The following CCDC136 variants were observed in gnomAD, a reference collection of about 807,000 sequenced individuals.
CCDC136 encodes the protein coiled-coil domain containing 136.
Under a neutral mutation model 141.2 loss-of-function variants are expected in CCDC136, and 100 were observed. That is an observed-to-expected ratio of 0.71 (90% CI 0.60 to 0.84). The LOEUF is 0.84. CCDC136 is among the 40% of genes least tolerant of loss of function. CCDC136 has a pLI of 0.00. For synonymous variants in CCDC136, 474 were observed against 531.9 expected, an observed-to-expected ratio of 0.89 and a Z score of 1.50; for missense variants, 1,206 against 1,379.4, an observed-to-expected ratio of 0.87 and a Z score of 1.99.
chr7:128,808,636 C>G, intron 10 of CCDC136: 2 of 985,392 alleles, frequency 2.0e-6, no homozygotes, highest in South Asian at 9.4e-5. Flanking sequence ...GTTCCTGTCC[C>G]TGGGGAAAGG....
rs1562924213 is a variant in CCDC136 at position 128,809,480 on chromosome 7, T to C, written c.1636T>C (p.Leu546=). The C allele has an allele frequency of 1.6e-6, 2 of 1,243,542 alleles. No individual in the cohort carries two copies. The highest frequency in any genetic ancestry group is 1.6e-5 in the African/African-American group (1 of 61,738). 77.0% of individuals were successfully genotyped at this position (1,243,542 alleles called of 1,614,324 possible). A position where few individuals can be genotyped will look rare whatever the true frequency, so the allele number is the denominator to read the frequency against. The change falls in exon 11 of 18, where the codon TTG becomes CTG. Residue 546 remains leucine (L), a synonymous_variant. Coordinates refer to ENST00000297788, the MANE Select transcript of CCDC136 (RefSeq NM_022742.5). Reference sequence around the variant, plus strand: ...CACACTGCTGTCCAGACTGACAGAATTGCAGGAAAAGTACAAGGCCAGCCA... The same window carrying C: ...CACACTGCTGTCCAGACTGACAGAACTGCAGGAAAAGTACAAGGCCAGCCA... ...CDTLLSRLTE[L]QEKYKASQKE...
intron 1 of CCDC136, among the ~76,000 whole-genome samples, chr7:128,792,838 G>T (rs1562898210): frequency 6.6e-6 from 1 of 152,232 alleles, no homozygotes; most frequent in Non-Finnish European, 1.5e-5. Flanking sequence ...CATTAACTTC[G>T]AATGGAAGCC....
At chr7:128,801,588 G>A (rs888147925) in intron 4 of CCDC136, 79 bp downstream of exon 4, 13 of 1,035,420 alleles carry the variant, frequency 1.3e-5, no homozygotes, top group African/African-American at 3.2e-5. Flanking sequence ...AGAAGGTGGT[G>A]TTAGATCATG....
In CCDC136 at chr7:128,794,166, C is replaced by G; in HGVS notation, c.17-182C>G. ...CCTGGGAGGTGGAGGGGCTGCTTCT[C>G]AACTTGACTCTCACACCTGAGGACT... On this transcript the variant is annotated intron_variant, in intron 1 of 17. Coordinates refer to ENST00000297788, the MANE Select transcript of CCDC136 (RefSeq NM_022742.5). The surrounding 1 kb of genome is among the most constrained non-coding windows in gnomAD (Gnocchi z 4.3). 1.3e-6 allele frequency: 1 copy of G among 779,528 alleles called. No homozygotes were observed. Among genetic ancestry groups the G allele is most frequent in the South Asian group, 1.5e-5 (1 of 67,654 alleles). 48.3% of individuals were successfully genotyped at this position (779,528 alleles called of 1,614,324 possible).
upstream of CCDC136, chr7:128,791,773 C>G (rs1802200351): frequency 2.5e-6 from 1 of 401,430 alleles, no homozygotes; most frequent in South Asian, 1.3e-4. The surrounding 1 kb of genome is among the most constrained non-coding windows in gnomAD (Gnocchi z 7.1). Context: ...GGTCCCTCCC[C>G]AGCGCGTCTC....
Position 128,801,315 on chromosome 7 carries a change from A to G in CCDC136, c.476A>G (p.Asp159Gly). The G allele has an allele frequency of 6.2e-7, 1 of 1,613,910 alleles. No individual in the cohort carries two copies. The highest frequency in any genetic ancestry group is 1.7e-5 in the Admixed American group (1 of 60,002). Reference protein sequence around the residue: ...EIQSLRQAAEDSATEHESDIA... With the variant: ...EIQSLRQAAEGSATEHESDIA... ...CAGAGTCTGCGGCAAGCAGCAGAGGATTCCGCAACTGAACATGAGAGTGAC... is the reference window on the plus strand; with the variant it reads ...CAGAGTCTGCGGCAAGCAGCAGAGGGTTCCGCAACTGAACATGAGAGTGAC... Residue 159 changes from aspartate to glycine, a missense_variant, in exon 4 of 18, where the codon GAT becomes GGT. Transcript: ENST00000297788.
At chr7:128,804,597 A>G (rs1804542615) in intron 4 of CCDC136, 53 bp from the exon 5 acceptor site, 1 of 1,077,228 alleles carries the variant, frequency 9.3e-7, no homozygotes, top group East Asian at 2.6e-5. Context: ...GGGGCTGGTC[A>G]TCAGTGCTTT....
In CCDC136 at chr7:128,794,229, G is replaced by A; in HGVS notation, c.17-119G>A. The A allele has an allele frequency of 1.4e-6, 2 of 1,418,552 alleles. No homozygotes were observed. The highest frequency in any genetic ancestry group is 2.0e-5 in the Admixed American group (1 of 50,822). The allele number at this position is 1,418,552 out of a possible 1,614,324, so 87.9% of individuals were successfully genotyped here. ...AGGTCTTGCCCCGGGGCTCCTTGGGGGACACCAGGTGGCACTAGTATGTCA... is the reference window on the plus strand; with the variant it reads ...AGGTCTTGCCCCGGGGCTCCTTGGGAGACACCAGGTGGCACTAGTATGTCA... On this transcript the variant is annotated intron_variant, in intron 1 of 17. Transcript: ENST00000297788. The surrounding 1 kb of genome is among the most constrained non-coding windows in gnomAD (Gnocchi z 4.3).
intron 10 of CCDC136, among the ~76,000 whole-genome samples, chr7:128,808,149 A>G (rs1394389692): frequency 2.6e-5 from 4 of 152,164 alleles, no homozygotes; most frequent in African/African-American, 9.7e-5. Context: ...CAATTCTCCT[A>G]TCTCAGCCTC....
At chr7:128,814,308 A>G (rs1240595283) in intron 14 of CCDC136, among the ~76,000 whole-genome samples, 4 of 151,666 alleles carry the variant, frequency 2.6e-5, no homozygotes, top group Non-Finnish European at 5.9e-5. Flanking sequence ...CTGGTCTCGA[A>G]CTCCTGACCT....
At chr7:128,806,612 T>C in intron 8 of CCDC136, 76 bp from the exon 9 acceptor site, 1 of 1,387,016 alleles carries the variant, frequency 7.2e-7, no homozygotes, top group Non-Finnish European at 9.8e-7. Flanking sequence ...ACTGTTGGTG[T>C]CTTCAAGTGA....
Position 128,801,414 on chromosome 7 carries a change from A to G in CCDC136, c.575A>G (p.Tyr192Cys), listed in dbSNP as rs1803999173. 6.2e-7 allele frequency: 1 copy of G among 1,613,504 alleles called. No homozygotes were observed. Among genetic ancestry groups the G allele is most frequent in the Non-Finnish European group, 8.5e-7 (1 of 1,179,694 alleles). ...LEDMERIRGDYEMEIASLRAE... is the reference protein window; with the variant it reads ...LEDMERIRGDCEMEIASLRAE... ...GACATGGAACGCATTCGGGGAGATT[A>G]TGAGATGGAGATCGCCTCCCTCCGT... is the stretch of plus-strand genomic sequence containing the variant. The change falls in exon 4 of 18, where the codon TAT (tyrosine) becomes TGT (cysteine). Residue 192 changes from tyrosine to cysteine, a missense_variant. Tyr to Cys is a radical substitution (Grantham distance 194). Transcript: ENST00000297788.
rs1252432839 is a variant in CCDC136 at position 128,796,735 on chromosome 7, A to T, written c.346+1967A>T. ...GAGATGATTCAGAATATATATATAT[A>T]TATATTCTTTTTTTTTTTTTTTTTG... On this transcript the variant is annotated intron_variant, in intron 3 of 17. Transcript: ENST00000297788. Among the ~76,000 whole-genome samples, 14 of 120,066 alleles carry T rather than the reference A, an allele frequency of 1.2e-4. 1 individual carries two copies. The South Asian group carries it at 3.0e-3, about 26-fold the overall frequency. 78.8% of individuals were successfully genotyped at this position (120,066 alleles called of 152,430 possible). A position where few individuals can be genotyped will look rare whatever the true frequency, so the allele number is the denominator to read the frequency against.
At chr7:128,810,800 C>A (rs1805596957) in intron 12 of CCDC136, among the ~76,000 whole-genome samples, 1 of 152,176 alleles carries the variant, frequency 6.6e-6, no homozygotes, top group Non-Finnish European at 1.5e-5. Flanking sequence ...AATCTATCAC[C>A]TTTGGTGTTC....
intron 3 of CCDC136, among the ~76,000 whole-genome samples, chr7:128,796,472 T>C (rs955229640): frequency 6.6e-6 from 1 of 151,896 alleles, no homozygotes; most frequent in Non-Finnish European, 1.5e-5. Flanking sequence ...TTACAGTGGA[T>C]CTTGTAGGCC....
intron 3 of CCDC136, among the ~76,000 whole-genome samples, chr7:128,799,254 G>A (rs1803609634): frequency 6.6e-6 from 1 of 150,486 alleles, no homozygotes; most frequent in Admixed American, 6.7e-5. Context: ...TGAGGAGGGA[G>A]GATTGCTTGA....
At chr7:128,806,560 G>T (rs1483518994) in intron 8 of CCDC136, 128 bp from the exon 9 acceptor site, 1 of 1,059,682 alleles carries the variant, frequency 9.4e-7, no homozygotes. Context: ...CATTAGATAT[G>T]AGGACATTAG....
intron 10 of CCDC136, chr7:128,808,417 G>A (rs561545911): frequency 1.1e-6 from 1 of 902,278 alleles, no homozygotes; most frequent in East Asian, 1.2e-4. Flanking sequence ...CCTTTTAGCA[G>A]TAAATCCTGG....
At position 128,794,207 on chromosome 7, in the gene CCDC136, T is replaced by A; in HGVS notation, c.17-141T>A. On this transcript the variant is annotated intron_variant, in intron 1 of 17. Transcript: ENST00000297788. This position sits in a 1 kb window ranked among gnomAD's most constrained non-coding sequence, Gnocchi z 4.3. ...CCTGAGGACTCATCTTGAGTACAGG[T>A]CTTGCCCCGGGGCTCCTTGGGGGAC... is the stretch of plus-strand genomic sequence containing the variant. 8.9e-7 allele frequency: 1 copy of A among 1,125,812 alleles called. No homozygotes were observed. Among genetic ancestry groups the A allele is most frequent in the Non-Finnish European group, 1.3e-6 (1 of 767,720 alleles). The allele number at this position is 1,125,812 out of a possible 1,614,324, so 69.7% of individuals were successfully genotyped here. A position where few individuals can be genotyped will look rare whatever the true frequency, so the allele number is the denominator to read the frequency against.
Sources: allele counts gnomAD v4.1 joint callset (sites outside exome capture counted in the v4.1 genomes callset), GRCh38; gene constraint gnomAD v4.1.1; non-coding constraint Gnocchi (gnomAD v3.1); transcripts MANE v1.5; gene names NCBI Gene and HGNC (gene_info 2026-07-23, HGNC 2026-07-21).